Variants in ITGA9 observed in about 807,000 individuals in gnomAD.
The protein encoded by ITGA9 is integrin alpha-9.
Under a neutral mutation model 127.8 loss-of-function variants are expected in ITGA9, and 56 were observed. The observed-to-expected ratio is 0.44, with a 90% CI of 0.35 to 0.55. The LOEUF (loss-of-function observed/expected upper bound fraction) is 0.55. Ranked by LOEUF, ITGA9 falls within the 20% of genes least tolerant of loss-of-function variation. ITGA9 has a pLI of 0.00. For synonymous variants in ITGA9, 508 were observed against 514.5 expected, an observed-to-expected ratio of 0.99 and a Z score of 0.17; for missense variants, 1,196 against 1,347.1, an observed-to-expected ratio of 0.89 and a Z score of 1.76.
chr3:37,746,799 A>G (rs9784347), intron 22 of ITGA9, among the ~76,000 whole-genome samples: 11,172 of 152,184 alleles, frequency 0.073, 1,226 homozygotes, highest in African/African-American at 0.24. Flanking sequence ...CATCTGCTCT[A>G]TCAGTTTTTA....
At chr3:37,696,691 T>A (rs993599257) in intron 18 of ITGA9, among the ~76,000 whole-genome samples, 3 of 152,244 alleles carry the variant, frequency 2.0e-5, no homozygotes, top group African/African-American at 4.8e-5. Flanking sequence ...CAGCCCAGCA[T>A]AGTTATTATT....
At chr3:37,459,938 G>A (rs1698299330) in intron 1 of ITGA9, among the ~76,000 whole-genome samples, 1 of 152,172 alleles carries the variant, frequency 6.6e-6, no homozygotes, top group Non-Finnish European at 1.5e-5. Flanking sequence ...TTCTGGAGAT[G>A]TTTGATCACT....
rs778163129 is a variant in ITGA9, at chr3:37,683,847, G to C, written c.1917-18G>C. ...TGTAGGCCTCAGGGCATTCATTGCT[G>C]TCTATTTTTCGTTACAGTATGGATG... is the stretch of plus-strand genomic sequence containing the variant. On this transcript the variant is annotated intron_variant, in intron 17 of 27. Coordinates refer to ENST00000264741, the MANE Select transcript of ITGA9 (RefSeq NM_002207.3). 1 of 1,613,490 alleles carries C rather than the reference G, an allele frequency of 6.2e-7. No individual in the cohort carries two copies. Among genetic ancestry groups the C allele is most frequent in the Non-Finnish European group, 8.5e-7 (1 of 1,179,834 alleles).
At chr3:37,789,836 A>G (rs1333676901) in intron 26 of ITGA9, 5 of 353,130 alleles carry the variant, frequency 1.4e-5, no homozygotes, top group Non-Finnish European at 2.1e-5. Flanking sequence ...TTTGGTAATT[A>G]ACATAATTTA....
At chr3:37,608,000 A>G (rs1699984609) in intron 15 of ITGA9, among the ~76,000 whole-genome samples, 1 of 152,180 alleles carries the variant, frequency 6.6e-6, no homozygotes, top group Admixed American at 6.5e-5. Context: ...GACACGAGAA[A>G]GCCAAGCAGG....
chr3:37,595,601 G>A (rs1413577318), intron 15 of ITGA9, among the ~76,000 whole-genome samples: 1 of 152,224 alleles, frequency 6.6e-6, no homozygotes, highest in African/African-American at 2.4e-5. Flanking sequence ...AGTGGAGTTT[G>A]ACTCAGATCC....
chr3:37,523,566 C>T lies in ITGA9; in HGVS notation c.1282C>T (p.Gln428Ter). The change falls in exon 12 of 28, where the codon CAG (glutamine) becomes TAG (stop). Residue 428 changes from glutamine to a stop codon, truncating the protein, a stop_gained. Coordinates refer to ENST00000264741, the MANE Select transcript of ITGA9 (RefSeq NM_002207.3). LOFTEE classifies it high-confidence loss of function. ...KINPVLRMFG[Q>*]SISGGIDMDG... ...AAATCCAGTGCTCCGGATGTTTGGTCAGTCCATATCGGGAGGCATTGATAT... is the reference window on the plus strand; with the variant it reads ...AAATCCAGTGCTCCGGATGTTTGGTTAGTCCATATCGGGAGGCATTGATAT... The T allele has an allele frequency of 1.9e-6, 3 of 1,614,014 alleles. No homozygotes were observed. Among genetic ancestry groups the T allele is most frequent in the Non-Finnish European group, 2.5e-6 (3 of 1,179,940 alleles).
At chr3:37,735,334 C>A (rs537420815) in intron 19 of ITGA9, among the ~76,000 whole-genome samples, 3 of 152,172 alleles carry the variant, frequency 2.0e-5, no homozygotes, top group African/African-American at 7.2e-5. Context: ...GCCTGCCCCC[C>A]ACCCCACAGT....
chr3:37,560,326 C>T lies in ITGA9; in HGVS notation c.1689+17741C>T, dbSNP rs140434986. On this transcript the variant is annotated intron_variant, in intron 15 of 27. Coordinates refer to ENST00000264741, the MANE Select transcript of ITGA9 (RefSeq NM_002207.3). ...ATAGTATTCCATGGTGTATATGTCC[C>T]GCATTTTCTTAATCCAGTCTATCAT... 5.4e-3 allele frequency among the ~76,000 whole-genome samples: 815 copies of T among 152,238 alleles called. 4 individuals carry two copies. Among genetic ancestry groups the T allele is most frequent in the Non-Finnish European group, 9.0e-3 (615 of 68,016 alleles).
chr3:37,552,642 CTT>C (rs1427057399), intron 15 of ITGA9, among the ~76,000 whole-genome samples: 1 of 152,140 alleles, frequency 6.6e-6, no homozygotes, highest in Non-Finnish European at 1.5e-5. Context: ...CTCTTTCTCT[CTT>C]GGGCGTATGC....
rs763953766 is a variant in ITGA9, at chr3:37,629,418, C to T, written c.1839+82C>T. The T allele has an allele frequency of 2.3e-5, 35 of 1,523,934 alleles. No individual in the cohort carries two copies. In the South Asian group the frequency reaches 3.3e-4, roughly 14 times the overall value. 94.4% of individuals were successfully genotyped at this position (1,523,934 alleles called of 1,614,324 possible). ...ATAATGGCCCAAAAGTTGAGAGAGCCGTGGGCCTGGCTGCTCAGGAGACCG... is the reference window on the plus strand; with the variant it reads ...ATAATGGCCCAAAAGTTGAGAGAGCTGTGGGCCTGGCTGCTCAGGAGACCG... On this transcript the variant is annotated intron_variant, in intron 16 of 27. Transcript: ENST00000264741. This position sits in a 1 kb window ranked among gnomAD's most constrained non-coding sequence, Gnocchi z 4.5.
At chr3:37,709,832 G>A (rs1391235756) in intron 18 of ITGA9, among the ~76,000 whole-genome samples, 5 of 152,168 alleles carry the variant, frequency 3.3e-5, no homozygotes, top group Non-Finnish European at 7.3e-5. Flanking sequence ...ATGAATCCAG[G>A]GTTTCTAAAG....
At chr3:37,773,024 G>T (rs888546093) in intron 23 of ITGA9, among the ~76,000 whole-genome samples, 9 of 152,192 alleles carry the variant, frequency 5.9e-5, no homozygotes, top group Admixed American at 3.9e-4. Flanking sequence ...TTTCTCACTC[G>T]CTTGCCCTGC....
chr3:37,788,608 C>G lies in ITGA9; in HGVS notation c.2889+3530C>G, dbSNP rs180854676. Among the ~76,000 whole-genome samples the G allele has an allele frequency of 2.3e-3, 357 of 152,248 alleles. 1 individual carries two copies. The highest frequency in any genetic ancestry group is 3.8e-3 in the Non-Finnish European group (256 of 68,016). On this transcript the variant is annotated intron_variant, in intron 26 of 27. Transcript: ENST00000264741. ...CAGTAATATATTAGGCAGAGCTAAA[C>G]TCACACACTGTCACTCAATTTCCTA...
At chr3:37,540,370 C>T (rs1699253331) in intron 14 of ITGA9, among the ~76,000 whole-genome samples, 1 of 152,220 alleles carries the variant, frequency 6.6e-6, no homozygotes. Context: ...AAATTCACTT[C>T]ATTTAAATGT....
intron 13 of ITGA9, among the ~76,000 whole-genome samples, chr3:37,527,313 A>G (rs771298255): frequency 1.2e-4 from 18 of 152,316 alleles, no homozygotes; most frequent in Non-Finnish European, 1.9e-4. Flanking sequence ...TCATAAGTTA[A>G]ACCATTATAA....
intron 23 of ITGA9, among the ~76,000 whole-genome samples, chr3:37,752,214 C>G (rs1696595369): frequency 6.6e-6 from 1 of 152,206 alleles, no homozygotes; most frequent in Non-Finnish European, 1.5e-5. Context: ...AGGTGTGATT[C>G]AGAGCTCATG....
At chr3:37,786,729 T>A (rs1310675797) in intron 26 of ITGA9, among the ~76,000 whole-genome samples, 1 of 152,216 alleles carries the variant, frequency 6.6e-6, no homozygotes, top group Admixed American at 6.5e-5. Context: ...GAAAATGAAT[T>A]CCTGAATGAG....
intron 1 of ITGA9, among the ~76,000 whole-genome samples, chr3:37,464,132 T>TGTGTGTGC (rs1559512647): frequency 1.3e-5 from 2 of 151,298 alleles, no homozygotes; most frequent in African/African-American, 4.9e-5. Flanking sequence ...TGTGTGTGTG[T>TGTGTGTGC]GTGTGTGTGT....
Sources: gnomAD v4.1 joint callset for allele counts (sites outside exome capture counted in the v4.1 genomes callset) on GRCh38, gnomAD v4.1.1 for gene constraint, Gnocchi (gnomAD v3.1) non-coding constraint, MANE v1.5 for transcripts, NCBI Gene and HGNC (gene_info 2026-07-23, HGNC 2026-07-21) for gene names.